Variants in RSPO3 observed in about 807,000 individuals in gnomAD.
RSPO3 encodes R-spondin 3, also known as R-spondin-3.
RSPO3 carries 17 observed loss-of-function variants against 36.5 expected under a neutral mutation model. That is an observed-to-expected ratio of 0.47 (90% CI 0.32 to 0.70). The LOEUF is 0.70. Ranked by LOEUF, RSPO3 falls within the 30% of genes least tolerant of loss-of-function variation. The pLI, the probability that RSPO3 is intolerant of heterozygous loss-of-function variation, is 0.04. For synonymous variants in RSPO3, 108 were observed against 107.0 expected (o/e 1.01, Z -0.06); for missense variants, 294 against 322.5 (o/e 0.91, Z 0.68).
intron 4 of RSPO3, among the ~76,000 whole-genome samples, chr6:127,168,804 G>T (rs925462351): frequency 1.3e-4 from 20 of 152,038 alleles, no homozygotes; most frequent in Non-Finnish European, 2.4e-4. Flanking sequence ...TCCAGTTTCA[G>T]CTTTCTACAT....
intron 4 of RSPO3, among the ~76,000 whole-genome samples, chr6:127,161,878 C>G (rs569598522): frequency 1.3e-5 from 2 of 152,058 alleles, no homozygotes; most frequent in Non-Finnish European, 1.5e-5. Context: ...GTCTGGTGCA[C>G]GAGGATTGTT....
chr6:127,125,002 T>A (rs1352774703), intron 1 of RSPO3, among the ~76,000 whole-genome samples: 1 of 152,154 alleles, frequency 6.6e-6, no homozygotes, highest in Admixed American at 6.5e-5. Context: ...ACATTTGAAC[T>A]GTTTGAATAA....
intron 4 of RSPO3, among the ~76,000 whole-genome samples, chr6:127,180,782 G>A (rs1406574655): frequency 2.0e-5 from 3 of 151,602 alleles, no homozygotes; most frequent in Non-Finnish European, 4.4e-5. Flanking sequence ...ATTTATTATT[G>A]TTACTAATTA....
chr6:127,143,535 A>G (rs1444504347), intron 1 of RSPO3, among the ~76,000 whole-genome samples: 1 of 152,220 alleles, frequency 6.6e-6, no homozygotes, highest in East Asian at 1.9e-4. Flanking sequence ...TGAATTTATT[A>G]ATTTTTAATT....
chr6:127,168,354 T>C (rs1360531603), intron 4 of RSPO3, among the ~76,000 whole-genome samples: 1 of 135,274 alleles, frequency 7.4e-6, no homozygotes, highest in Non-Finnish European at 1.7e-5. Context: ...TGATGGCCAG[T>C]GATGATGAGC....
rs1360888518 is a variant in RSPO3, at chr6:127,150,640, C to T, written c.436+68C>T. ...TCTCCATGGAGGTGCTTTTCAAAGTCCTTTGCCAAAAGAACTTGAAGGTTC... is the reference window on the plus strand; with the variant it reads ...TCTCCATGGAGGTGCTTTTCAAAGTTCTTTGCCAAAAGAACTTGAAGGTTC... On this transcript the variant is annotated intron_variant, in intron 3 of 4. Coordinates refer to ENST00000356698, the MANE Select transcript of RSPO3 (RefSeq NM_032784.5). The T allele has an allele frequency of 4.1e-6, 6 of 1,476,744 alleles. No homozygotes were observed. In the African/African-American group the frequency reaches 8.6e-5, roughly 21 times the overall value. 91.5% of individuals were successfully genotyped at this position (1,476,744 alleles called of 1,614,324 possible). A position where few individuals can be genotyped will look rare whatever the true frequency, so the allele number is the denominator to read the frequency against.
intron 4 of RSPO3, among the ~76,000 whole-genome samples, chr6:127,165,280 A>G (rs1700847364): frequency 6.6e-6 from 1 of 152,096 alleles, no homozygotes; most frequent in Admixed American, 6.6e-5. Context: ...TGTAATTAGT[A>G]GAATACAATT....
intron 4 of RSPO3, among the ~76,000 whole-genome samples, chr6:127,190,728 G>C (rs1474578931): frequency 2.6e-5 from 4 of 152,294 alleles, no homozygotes; most frequent in African/African-American, 9.6e-5. Flanking sequence ...TTATAACCTA[G>C]TTTGTCTTGG....
chr6:127,123,764 A>T (rs1773889377), intron 1 of RSPO3, among the ~76,000 whole-genome samples: 1 of 152,062 alleles, frequency 6.6e-6, no homozygotes, highest in South Asian at 2.1e-4. Context: ...GAGTATTTGA[A>T]CTTGCAAATA....
intron 4 of RSPO3, among the ~76,000 whole-genome samples, chr6:127,158,897 A>G (rs1036082154): frequency 2.0e-5 from 3 of 152,154 alleles, no homozygotes; most frequent in African/African-American, 4.8e-5. Context: ...AATTCTTTCT[A>G]GCTTGAACTT....
chr6:127,165,109 T>C (rs1774795681), intron 4 of RSPO3, among the ~76,000 whole-genome samples: 1 of 152,088 alleles, frequency 6.6e-6, no homozygotes. Context: ...AATATCAATA[T>C]ACTAAATTCA....
intron 1 of RSPO3, among the ~76,000 whole-genome samples, chr6:127,129,929 A>T (rs996745827): frequency 2.0e-5 from 3 of 152,094 alleles, no homozygotes; most frequent in African/African-American, 7.2e-5. Context: ...GGTCAACTTA[A>T]ATATCATATT....
intron 4 of RSPO3, among the ~76,000 whole-genome samples, chr6:127,161,963 T>C (rs183322158): frequency 3.3e-5 from 5 of 152,230 alleles, no homozygotes; most frequent in Admixed American, 2.0e-4. Context: ...ACTTAACAAT[T>C]TGTGGCTGGG....
chr6:127,157,145 T>C (rs1273714374), intron 4 of RSPO3, among the ~76,000 whole-genome samples: 1 of 152,132 alleles, frequency 6.6e-6, no homozygotes, highest in African/African-American at 2.4e-5. Context: ...AAAAGTTGGA[T>C]TTGGAAGTCA....
chr6:127,158,394 T>G lies in RSPO3; in HGVS notation c.634+2956T>G, dbSNP rs1409190745. On this transcript the variant is annotated intron_variant, in intron 4 of 4. Transcript: ENST00000356698. ...GTACTAAAAGATAAGGCTTTTCTTA[T>G]GAATTTAAAGTTAGGTCTATGATCC... Among the ~76,000 whole-genome samples the G allele has an allele frequency of 3.3e-5, 5 of 152,238 alleles. 1 individual carries two copies. In the South Asian group the frequency reaches 8.3e-4, roughly 25 times the overall value.
At chr6:127,134,427 T>A (rs1194758947) in intron 1 of RSPO3, among the ~76,000 whole-genome samples, 4 of 152,024 alleles carry the variant, frequency 2.6e-5, no homozygotes, top group African/African-American at 9.7e-5. Flanking sequence ...ACTAACATAT[T>A]GTATGTTTTA....
At chr6:127,144,600 CATG>C (rs1226348223) in intron 1 of RSPO3, among the ~76,000 whole-genome samples, 4 of 137,504 alleles carry the variant, frequency 2.9e-5, no homozygotes, top group African/African-American at 1.1e-4. Flanking sequence ...CCCTATTTTG[CATG>C]ATGTCTTCTT....
intron 4 of RSPO3, among the ~76,000 whole-genome samples, chr6:127,186,620 G>A (rs1746038659): frequency 6.6e-6 from 1 of 152,006 alleles, no homozygotes; most frequent in Non-Finnish European, 1.5e-5. Context: ...AAATTATTTT[G>A]AAAATTCATA....
At chr6:127,173,684 A>G (rs986134595) in intron 4 of RSPO3, among the ~76,000 whole-genome samples, 1 of 151,860 alleles carries the variant, frequency 6.6e-6, no homozygotes, top group African/African-American at 2.4e-5. Context: ...GCCTGAAGCA[A>G]GCTGTAAGTG....
Sources: allele counts gnomAD v4.1 joint callset (sites outside exome capture counted in the v4.1 genomes callset), GRCh38; gene constraint gnomAD v4.1.1; transcripts MANE v1.5; gene names NCBI Gene and HGNC (gene_info 2026-07-23, HGNC 2026-07-21).